Variants in ARPC1B observed in about 807,000 individuals in gnomAD.
ARPC1B encodes actin-related protein 2/3 complex subunit 1B.
In ARPC1B, 29 loss-of-function variants were observed where a neutral mutation model predicts 46.0. The ratio of observed to expected loss-of-function variants is 0.63; its 90% CI spans 0.47 to 0.86. ARPC1B has a LOEUF of 0.86. Among genes scored for constraint, ARPC1B ranks in the 40% least tolerant of loss-of-function variants. The pLI, the probability that ARPC1B is intolerant of heterozygous loss-of-function variation, is 0.00. For synonymous variants in ARPC1B, 201 were observed against 213.9 expected, an observed-to-expected ratio of 0.94 and a Z score of 0.53; for missense variants, 469 against 529.4, an observed-to-expected ratio of 0.89 and a Z score of 1.12.
chr7:99,381,408 G>A (rs548569187), intron 1 of ARPC1B, among the ~76,000 whole-genome samples: 1 of 152,186 alleles, frequency 6.6e-6, no homozygotes. Context: ...GGGAGGTGCA[G>A]TGTGCATGTG....
chr7:99,384,151 T>G (rs1476502762), intron 1 of ARPC1B: 1 of 152,434 alleles, frequency 6.6e-6, no homozygotes, highest in Admixed American at 6.6e-5. Context: ...CCTGGTGGGC[T>G]CCTTTGACAC....
At chr7:99,390,439 A>C in intron 5 of ARPC1B, among the ~76,000 whole-genome samples, 1 of 149,528 alleles carries the variant, frequency 6.7e-6, no homozygotes, top group Non-Finnish European at 1.5e-5. Flanking sequence ...CGTGATATTG[A>C]CTCACTGCAA....
chr7:99,381,728 C>T (rs2150888543), intron 1 of ARPC1B, among the ~76,000 whole-genome samples: 1 of 152,332 alleles, frequency 6.6e-6, no homozygotes, highest in Non-Finnish European at 1.5e-5. Flanking sequence ...GCAGTGAGCG[C>T]AGGGGGCTTT....
At chr7:99,394,285 G>A in intron 9 of ARPC1B, 166 bp downstream of exon 9, 2 of 1,024,532 alleles carry the variant, frequency 2.0e-6, no homozygotes, top group Non-Finnish European at 3.0e-6. Flanking sequence ...GGTGCTCACT[G>A]GGGCACCCGT....
intron 8 of ARPC1B, among the ~76,000 whole-genome samples, chr7:99,393,682 T>C (rs1253325374): frequency 6.6e-6 from 1 of 152,196 alleles, no homozygotes; most frequent in Non-Finnish European, 1.5e-5. Context: ...CCAGATCCGA[T>C]GGCTTCCTCA....
At chr7:99,392,562 T>C in intron 7 of ARPC1B, 109 bp from the exon 8 acceptor site, 1 of 1,009,834 alleles carries the variant, frequency 9.9e-7, no homozygotes. Context: ...GGCCCGTCTG[T>C]ATCCTTGAGC....
At chr7:99,384,760 C>T (rs1177976963) in intron 1 of ARPC1B, among the ~76,000 whole-genome samples, 1 of 152,044 alleles carries the variant, frequency 6.6e-6, no homozygotes, top group Non-Finnish European at 1.5e-5. Flanking sequence ...CCCTTCTCCC[C>T]GTCTGAGCAG....
intron 9 of ARPC1B, 110 bp from the exon 10 acceptor site, chr7:99,394,341 A>G: frequency 8.8e-7 from 1 of 1,136,182 alleles, no homozygotes; most frequent in Admixed American, 1.8e-5. Flanking sequence ...CCAAAACTGC[A>G]GGTTCTCTGC....
In ARPC1B at chr7:99,385,696, G is replaced by A. The variant is rs777115909; in HGVS notation, c.-13-6G>A. The A allele has an allele frequency of 2.5e-6, 4 of 1,604,812 alleles. No homozygotes were observed. The highest frequency in any genetic ancestry group is 1.7e-5 in the Admixed American group (1 of 58,714). On this transcript the variant is annotated splice_region_variant and splice_polypyrimidine_tract_variant and intron_variant, in intron 1 of 9. Coordinates refer to ENST00000646101, the MANE Select transcript of ARPC1B (RefSeq NM_005720.4). ...CGTGGATTCTCTCTTCCTCTCTCGG[G>A]CACAGGAGCCAAGCCGCCATGGCCT...
At chr7:99,383,553 G>A (rs1045491683) in intron 1 of ARPC1B, among the ~76,000 whole-genome samples, 3 of 152,206 alleles carry the variant, frequency 2.0e-5, no homozygotes, top group Non-Finnish European at 2.9e-5. Flanking sequence ...CATGTCTGAT[G>A]GTGACTGCTG....
At chr7:99,375,980 T>A (rs1222036760) in intron 1 of ARPC1B, among the ~76,000 whole-genome samples, 1 of 150,416 alleles carries the variant, frequency 6.6e-6, no homozygotes, top group East Asian at 1.9e-4. Context: ...GAGAATTGCT[T>A]GAACCCGGGA....
intron 4 of ARPC1B, chr7:99,388,725 C>G (rs1794478656): frequency 6.4e-6 from 1 of 156,678 alleles, no homozygotes; most frequent in Admixed American, 6.2e-5. Flanking sequence ...CCTCTGCCTG[C>G]CGGGTTCGAG....
chr7:99,386,186 G>C (rs2150892416), intron 2 of ARPC1B, among the ~76,000 whole-genome samples: 1 of 152,038 alleles, frequency 6.6e-6, no homozygotes, highest in Non-Finnish European at 1.5e-5. Context: ...AGGAGGCGGA[G>C]GTTGCAGTGA....
intron 7 of ARPC1B, among the ~76,000 whole-genome samples, chr7:99,391,876 AC>A (rs1298763314): frequency 2.0e-5 from 3 of 150,082 alleles, no homozygotes; most frequent in Non-Finnish European, 4.4e-5. Context: ...ACATGGCAAA[AC>A]CCCATCTCTA....
At chr7:99,393,938 C>T (rs917483204) in intron 8 of ARPC1B, 91 bp from the exon 9 acceptor site, 7 of 1,336,422 alleles carry the variant, frequency 5.2e-6, no homozygotes, top group Non-Finnish European at 7.5e-6. Flanking sequence ...AGCCCGCTCC[C>T]CAAGAAGTCT....
intron 4 of ARPC1B, among the ~76,000 whole-genome samples, chr7:99,388,476 T>C (rs888109060): frequency 6.6e-6 from 1 of 152,070 alleles, no homozygotes; most frequent in Non-Finnish European, 1.5e-5. Flanking sequence ...CAGAAACACA[T>C]CTGGGGGCAC....
intron 7 of ARPC1B, among the ~76,000 whole-genome samples, chr7:99,391,559 A>G (rs1794571769): frequency 6.6e-6 from 1 of 152,090 alleles, no homozygotes; most frequent in Non-Finnish European, 1.5e-5. Context: ...AGCCCGGGCA[A>G]CACAGTGTGA....
At chr7:99,385,885 G>A in intron 2 of ARPC1B, 107 bp downstream of exon 2, 2 of 1,150,482 alleles carry the variant, frequency 1.7e-6, no homozygotes, top group South Asian at 2.7e-5. Context: ...CGGACCATGG[G>A]CTCCATGTGG....
intron 1 of ARPC1B, among the ~76,000 whole-genome samples, chr7:99,381,798 G>C (rs895671890): frequency 1.3e-5 from 2 of 152,224 alleles, no homozygotes; most frequent in Non-Finnish European, 2.9e-5. Flanking sequence ...GCAGCCCCAG[G>C]CAAAGGTCGT....
Sources: allele counts gnomAD v4.1 joint callset (sites outside exome capture counted in the v4.1 genomes callset), GRCh38; gene constraint gnomAD v4.1.1; transcripts MANE v1.5; gene names NCBI Gene and HGNC (gene_info 2026-07-23, HGNC 2026-07-21).